The following MYO1D variants were observed in gnomAD, a reference collection of about 807,000 sequenced individuals.
The protein encoded by MYO1D is unconventional myosin-Id.
Under a neutral mutation model 122.0 loss-of-function variants are expected in MYO1D, and 83 were observed. The ratio of observed to expected loss-of-function variants is 0.68; its 90% confidence interval spans 0.57 to 0.82. MYO1D has a LOEUF of 0.82. Ranked by LOEUF, MYO1D falls within the 40% of genes least tolerant of loss-of-function variation. MYO1D has a pLI of 0.00. For synonymous variants in MYO1D, 464 were observed against 446.9 expected, an observed-to-expected ratio of 1.04 and a Z score of -0.48; for missense variants, 1,157 against 1,269.5, an observed-to-expected ratio of 0.91 and a Z score of 1.35.
chr17:32,655,079 G>C (rs1352934593), intron 17 of MYO1D, among the ~76,000 whole-genome samples: 2 of 152,212 alleles, frequency 1.3e-5, no homozygotes, highest in Non-Finnish European at 2.9e-5. Context: ...ACACACAGAA[G>C]TTGCTAAAAT....
chr17:32,742,906 T>C (rs2089788731), intron 13 of MYO1D, among the ~76,000 whole-genome samples: 1 of 152,252 alleles, frequency 6.6e-6, no homozygotes, highest in Admixed American at 6.5e-5. Flanking sequence ...GAGATATTTG[T>C]CTTCAATGCT....
At chr17:32,844,234 T>A (rs2090911849) in intron 1 of MYO1D, among the ~76,000 whole-genome samples, 1 of 147,426 alleles carries the variant, frequency 6.8e-6, no homozygotes, top group Non-Finnish European at 1.5e-5. Context: ...GTATATATCA[T>A]GTATGTGTAT....
intron 21 of MYO1D, among the ~76,000 whole-genome samples, chr17:32,550,823 C>T (rs1319617124): frequency 3.9e-5 from 6 of 152,018 alleles, no homozygotes; most frequent in Non-Finnish European, 7.4e-5. Flanking sequence ...TAGTGAGATG[C>T]TGTTTTTACA....
At chr17:32,869,969 C>G (rs541186533) in intron 1 of MYO1D, among the ~76,000 whole-genome samples, 2 of 151,994 alleles carry the variant, frequency 1.3e-5, no homozygotes, top group Non-Finnish European at 2.9e-5. Context: ...CCATCAGAAC[C>G]TGCAATGAAA....
At position 32,721,093 on chromosome 17, in the gene MYO1D, G is replaced by C. The variant is rs1208406214; in HGVS notation, c.1843C>G (p.Leu615Val). The C allele has an allele frequency of 1.2e-6, 2 of 1,614,152 alleles. No homozygotes were observed. Among genetic ancestry groups the C allele is most frequent in the Non-Finnish European group, 1.7e-6 (2 of 1,180,008 alleles). ...RCRHQVEYLG[L>V]LENVRVRRAG... ...CGACGCACTCTCACATTTTCCAGTAGTCCAAGATATTCTACTTGGTGCCGG... is the reference window on the plus strand; with the variant it reads ...CGACGCACTCTCACATTTTCCAGTACTCCAAGATATTCTACTTGGTGCCGG... Residue 615 changes from leucine (L) to valine (V), a missense_variant, in exon 15 of 22, where the codon CTA (leucine) becomes GTA (valine). Physicochemically the swap from Leu to Val is conservative, Grantham distance 32. Coordinates refer to ENST00000318217, the MANE Select transcript of MYO1D (RefSeq NM_015194.3).
At chr17:32,819,737 T>C (rs1304673775) in intron 1 of MYO1D, among the ~76,000 whole-genome samples, 1 of 152,208 alleles carries the variant, frequency 6.6e-6, no homozygotes, top group Non-Finnish European at 1.5e-5. Context: ...ATGGCTACCA[T>C]TTATGAAGCT....
At position 32,702,824 on chromosome 17, in the gene MYO1D, T is replaced by C. The variant is rs147792889; in HGVS notation, c.2121+9164A>G. ...TCAAGCTTGACTGTGGACCCCACAG[T>C]TCACTGTATCATGGATGCTACAAGC... On this transcript the variant is annotated intron_variant, in intron 16 of 21. Coordinates refer to ENST00000318217, the MANE Select transcript of MYO1D (RefSeq NM_015194.3). Among the ~76,000 whole-genome samples the C allele has an allele frequency of 1.1e-3, 162 of 152,284 alleles. 1 individual carries two copies. The highest frequency in any genetic ancestry group is 3.8e-3 in the African/African-American group (156 of 41,572).
intron 16 of MYO1D, among the ~76,000 whole-genome samples, chr17:32,676,646 A>C (rs2150963637): frequency 1.3e-5 from 2 of 152,126 alleles, no homozygotes; most frequent in South Asian, 4.1e-4. Context: ...GCCACCTCAC[A>C]ACCACAAGGG....
intron 16 of MYO1D, among the ~76,000 whole-genome samples, chr17:32,694,170 C>G (rs1032931052): frequency 6.6e-6 from 1 of 152,176 alleles, no homozygotes; most frequent in Non-Finnish European, 1.5e-5. Context: ...TTCTTCATTA[C>G]GGACACCTTT....
chr17:32,821,543 C>G (rs1194474177), intron 1 of MYO1D, among the ~76,000 whole-genome samples: 8 of 149,844 alleles, frequency 5.3e-5, no homozygotes, highest in Non-Finnish European at 1.2e-4. Flanking sequence ...ATCACACATA[C>G]ACACACACAC....
chr17:32,493,833 C>G lies in MYO1D; in HGVS notation c.*926G>C, dbSNP rs553415816. Reference sequence around the variant, plus strand: ...CCCGTCATCCCGTGTCTTGACCCCGCCCTTGCTGTTTCTCTGAGTAGGAAA... The same window carrying G: ...CCCGTCATCCCGTGTCTTGACCCCGGCCTTGCTGTTTCTCTGAGTAGGAAA... On this transcript the variant is annotated 3_prime_UTR_variant, in exon 22 of 22. Coordinates refer to ENST00000318217, the MANE Select transcript of MYO1D (RefSeq NM_015194.3). 6.6e-6 allele frequency: 1 copy of G among 152,358 alleles called. No individual in the cohort carries two copies. The highest frequency in any genetic ancestry group is 6.5e-5 in the Admixed American group (1 of 15,310). 9.4% of individuals were successfully genotyped at this position (152,358 alleles called of 1,614,324 possible). A position where few individuals can be genotyped will look rare whatever the true frequency, so the allele number is the denominator to read the frequency against.
rs1190075923 is a variant in MYO1D, at chr17:32,712,047, ACAAT to A, written c.2058_2061del (p.Phe688ProfsTer11). ...TGGGCACGGAGTTCTTCCAAGGTAA[ACAAT>A]GTTCGGGGTGTTCGAATGAAAATTT... On this transcript the variant is annotated frameshift_variant, in exon 16 of 22. Coordinates refer to ENST00000318217, the MANE Select transcript of MYO1D (RefSeq NM_015194.3). LOFTEE classifies it high-confidence loss of function. 10 of 1,614,070 alleles carry A rather than the reference ACAAT, an allele frequency of 6.2e-6. No homozygotes were observed. Among genetic ancestry groups the A allele is most frequent in the Non-Finnish European group, 8.5e-6 (10 of 1,180,020 alleles).
intron 1 of MYO1D, among the ~76,000 whole-genome samples, chr17:32,840,421 T>A (rs923547584): frequency 3.3e-5 from 5 of 152,138 alleles, no homozygotes; most frequent in South Asian, 2.1e-4. Flanking sequence ...TGGGTTCAGA[T>A]TACAGGTGTG....
At chr17:32,661,598 T>C (rs768274774) in intron 16 of MYO1D, among the ~76,000 whole-genome samples, 30 of 151,932 alleles carry the variant, frequency 2.0e-4, no homozygotes, top group Admixed American at 3.9e-4. Flanking sequence ...GAGGCTATAG[T>C]GAGCCAAGAT....
At chr17:32,842,362 C>G (rs1598147797) in intron 1 of MYO1D, among the ~76,000 whole-genome samples, 1 of 150,894 alleles carries the variant, frequency 6.6e-6, no homozygotes, top group East Asian at 1.9e-4. Flanking sequence ...ACAGTTAATC[C>G]CAGCAGTGCC....
At chr17:32,753,210 T>G (rs944114104) in intron 11 of MYO1D, among the ~76,000 whole-genome samples, 2 of 151,622 alleles carry the variant, frequency 1.3e-5, no homozygotes, top group African/African-American at 4.9e-5. Flanking sequence ...TGCATATGCA[T>G]GAACACAAAG....
At chr17:32,601,244 G>A (rs2087559122) in intron 21 of MYO1D, among the ~76,000 whole-genome samples, 1 of 152,052 alleles carries the variant, frequency 6.6e-6, no homozygotes, top group African/African-American at 2.4e-5. Flanking sequence ...CTCATTTCTA[G>A]TTTTTAAAAT....
chr17:32,593,837 T>C (rs2087462527), intron 21 of MYO1D, among the ~76,000 whole-genome samples: 2 of 152,206 alleles, frequency 1.3e-5, no homozygotes, highest in Non-Finnish European at 2.9e-5. Context: ...CCTGGGAGGC[T>C]GAGGCAGGAA....
intron 21 of MYO1D, among the ~76,000 whole-genome samples, chr17:32,550,368 G>A (rs1400706773): frequency 6.6e-6 from 1 of 152,170 alleles, no homozygotes; most frequent in Non-Finnish European, 1.5e-5. Flanking sequence ...CCAAAGTGCC[G>A]GGATTACTGC....
Sources: allele counts gnomAD v4.1 joint callset (sites outside exome capture counted in the v4.1 genomes callset), GRCh38; gene constraint gnomAD v4.1.1; transcripts MANE v1.5; gene names NCBI Gene and HGNC (gene_info 2026-07-23, HGNC 2026-07-21).